PXT1: variants seen among roughly 807,000 people sequenced by gnomAD.
The protein encoded by PXT1 is peroxisomal testis-specific protein 1.
PXT1 carries 11 observed loss-of-function variants against 11.0 expected under a neutral mutation model. That is an observed-to-expected ratio of 1.00 (90% CI 0.63 to 1.66). The LOEUF (loss-of-function observed/expected upper bound fraction) is 1.66. PXT1 is among the 40% of genes most tolerant of loss of function. The pLI, the probability that PXT1 is intolerant of heterozygous loss-of-function variation, is 0.00. For synonymous variants in PXT1, 43 were observed against 51.4 expected (o/e 0.84, Z 0.70); for missense variants, 141 against 155.5 (o/e 0.91, Z 0.49).
At chr6:36,435,601 G>A (rs114876533) in intron 2 of PXT1, among the ~76,000 whole-genome samples, 1,740 of 151,890 alleles carry the variant, frequency 0.011, 28 homozygotes, top group South Asian at 0.02. Flanking sequence ...AGAAAACATC[G>A]CAGAACAAAA....
At chr6:36,408,050 C>T (rs1008187657) in intron 3 of PXT1, among the ~76,000 whole-genome samples, 1 of 151,594 alleles carries the variant, frequency 6.6e-6, no homozygotes, top group South Asian at 2.1e-4. Context: ...CAACCTCCAC[C>T]TCCCGAGTTC....
At chr6:36,408,522 G>A (rs1189825822) in intron 3 of PXT1, among the ~76,000 whole-genome samples, 1 of 151,552 alleles carries the variant, frequency 6.6e-6, no homozygotes, top group Non-Finnish European at 1.5e-5. Context: ...GCCTCTCAAA[G>A]TACTGAGATT....
chr6:36,423,623 C>T (rs1439952748), intron 3 of PXT1, among the ~76,000 whole-genome samples: 1 of 152,216 alleles, frequency 6.6e-6, no homozygotes, highest in African/African-American at 2.4e-5. Context: ...GCGTTCTCGA[C>T]GCCGTAATAA....
chr6:36,398,593 AG>A (rs1199825924), intron 4 of PXT1, among the ~76,000 whole-genome samples: 3 of 152,224 alleles, frequency 2.0e-5, no homozygotes, highest in Non-Finnish European at 2.9e-5. Context: ...CCTTGAAAAA[AG>A]TATGTTAAGT....
chr6:36,422,045 A>G (rs961890336), intron 3 of PXT1, among the ~76,000 whole-genome samples: 2 of 152,106 alleles, frequency 1.3e-5, no homozygotes, highest in Non-Finnish European at 2.9e-5. Flanking sequence ...GTCATTGTAT[A>G]TTTTTCTTAT....
chr6:36,401,631 A>T (rs1721599695), intron 3 of PXT1, among the ~76,000 whole-genome samples: 2 of 151,684 alleles, frequency 1.3e-5, no homozygotes, highest in African/African-American at 2.4e-5. Context: ...AAAAAAAAAA[A>T]AATAGATTCA....
intron 3 of PXT1, among the ~76,000 whole-genome samples, chr6:36,413,928 C>G (rs6922008): frequency 0.75 from 113,366 of 152,144 alleles, 42,453 homozygotes; most frequent in East Asian, 0.8. Context: ...GAGCCCAGGA[C>G]TTCAAGGCTA....
chr6:36,415,558 A>T (rs1486173003), intron 3 of PXT1, among the ~76,000 whole-genome samples: 1 of 152,220 alleles, frequency 6.6e-6, no homozygotes, highest in African/African-American at 2.4e-5. Context: ...GGAAATTTTC[A>T]TGACGGTGAG....
At chr6:36,396,146 A>C (rs9654588) in intron 4 of PXT1, among the ~76,000 whole-genome samples, 34,881 of 152,206 alleles carry the variant, frequency 0.23, 4,133 homozygotes, top group East Asian at 0.39. Context: ...TCAGCGGAAC[A>C]GAATTGAGAG....
At chr6:36,418,021 C>A (rs1247308517) in intron 3 of PXT1, among the ~76,000 whole-genome samples, 3 of 150,698 alleles carry the variant, frequency 2.0e-5, no homozygotes, top group Non-Finnish European at 4.4e-5. Flanking sequence ...ATGGTAAAAC[C>A]CCGTCTCTAC....
At chr6:36,401,957 C>CAT (rs3045959) in intron 3 of PXT1, among the ~76,000 whole-genome samples, 4,046 of 144,860 alleles carry the variant, frequency 0.028, 99 homozygotes, top group African/African-American at 0.065. Flanking sequence ...TGTATACATG[C>CAT]ATATATATAT....
At position 36,437,274 on chromosome 6, in the gene PXT1, G is replaced by A. The variant is rs534218392; in HGVS notation, c.-10+1493C>T. On this transcript the variant is annotated intron_variant, in intron 2 of 4. Coordinates refer to ENST00000454782, the MANE Select transcript of PXT1 (RefSeq NM_152990.4). ...TGCACTCCAGCCTGAGCGACAGAGC[G>A]AGACTCCATCTCAAAACAAACAAAC... 1.0e-4 allele frequency among the ~76,000 whole-genome samples: 15 copies of A among 148,780 alleles called. No homozygotes were observed. In the South Asian group the frequency reaches 1.5e-3, roughly 15 times the overall value.
intron 3 of PXT1, among the ~76,000 whole-genome samples, chr6:36,407,957 CT>C (rs61251776): frequency 0.47 from 63,528 of 135,894 alleles, 14,326 homozygotes; most frequent in Middle Eastern, 0.57. Context: ...CTTTTTCTTT[CT>C]TTTTTTTTTT....
chr6:36,414,947 T>C (rs1056142280), intron 3 of PXT1, among the ~76,000 whole-genome samples: 5 of 152,238 alleles, frequency 3.3e-5, no homozygotes, highest in African/African-American at 1.2e-4. Context: ...GATGCAAATA[T>C]TTCAAGTACA....
At chr6:36,419,851 T>C (rs1774499129) in intron 3 of PXT1, among the ~76,000 whole-genome samples, 1 of 152,172 alleles carries the variant, frequency 6.6e-6, no homozygotes, top group Non-Finnish European at 1.5e-5. Context: ...ATATTTGGCC[T>C]TTGATCAGCA....
intron 3 of PXT1, among the ~76,000 whole-genome samples, chr6:36,417,591 C>CA (rs70975157): frequency 0.01 from 1,027 of 99,558 alleles, 34 homozygotes; most frequent in South Asian, 0.015. Flanking sequence ...TTCGTCTCTA[C>CA]AAAAAAAAAA....
In PXT1 at chr6:36,420,395, A is replaced by G. The variant is rs113710755; in HGVS notation, c.169+5519T>C. ...AGCATTAATGCAGAAGGATCTCCAAATCATATTAAGTGACAAAGCAAGTAA... is the reference window on the plus strand; with the variant it reads ...AGCATTAATGCAGAAGGATCTCCAAGTCATATTAAGTGACAAAGCAAGTAA... On this transcript the variant is annotated intron_variant, in intron 3 of 4. Coordinates refer to ENST00000454782, the MANE Select transcript of PXT1 (RefSeq NM_152990.4). Among the ~76,000 whole-genome samples, 932 of 152,340 alleles carry G rather than the reference A, an allele frequency of 6.1e-3. 13 individuals carry two copies. The highest frequency in any genetic ancestry group is 0.021 in the African/African-American group (862 of 41,572).
At chr6:36,408,737 T>C (rs1774326290) in intron 3 of PXT1, among the ~76,000 whole-genome samples, 1 of 150,854 alleles carries the variant, frequency 6.6e-6, no homozygotes, top group African/African-American at 2.4e-5. Context: ...TTGTTTTAAT[T>C]AGCTGGGCAT....
chr6:36,418,473 G>C (rs1774482054), intron 3 of PXT1, among the ~76,000 whole-genome samples: 1 of 152,132 alleles, frequency 6.6e-6, no homozygotes, highest in South Asian at 2.1e-4. Context: ...TATGTGCCAG[G>C]TGCTGGTCCA....
Sources: gnomAD v4.1 joint callset for allele counts (sites outside exome capture counted in the v4.1 genomes callset) on GRCh38, gnomAD v4.1.1 for gene constraint, MANE v1.5 for transcripts, NCBI Gene and HGNC (gene_info 2026-07-23, HGNC 2026-07-21) for gene names.